Variants in ATP8B1 observed in about 807,000 individuals in gnomAD.
The protein encoded by ATP8B1 is ATPase phospholipid transporting 8B1, also known as phospholipid-transporting ATPase IC.
ATP8B1 carries 80 observed loss-of-function variants against 149.9 expected under a neutral mutation model. That is an observed-to-expected ratio of 0.53 (90% CI 0.45 to 0.64). The LOEUF (loss-of-function observed/expected upper bound fraction) is 0.64, where lower values mean the gene tolerates loss of function less well. Ranked by LOEUF, ATP8B1 falls within the 30% of genes least tolerant of loss-of-function variation. The pLI is 0.00. For synonymous variants in ATP8B1, 536 were observed against 562.8 expected, an observed-to-expected ratio of 0.95 and a Z score of 0.67; for missense variants, 1,247 against 1,552.6, an observed-to-expected ratio of 0.80 and a Z score of 3.31.
chr18:57,694,500 T>C (rs1912702094), intron 11 of ATP8B1, 82 bp downstream of exon 11: 2 of 987,688 alleles, frequency 2.0e-6, no homozygotes, highest in Non-Finnish European at 3.1e-6. Context: ...AGGTAAGATT[T>C]TGTATTAGAA....
intron 1 of ATP8B1, among the ~76,000 whole-genome samples, chr18:57,753,201 C>T (rs1372665479): frequency 1.3e-5 from 2 of 152,136 alleles, no homozygotes; most frequent in African/African-American, 2.4e-5. Flanking sequence ...TTTTGCTTTC[C>T]TCAAAGTATA....
In ATP8B1 at chr18:57,652,040, A is replaced by C. The variant is rs1599066459; in HGVS notation, c.3394T>G (p.Phe1132Val). The C allele has an allele frequency of 6.2e-7, 1 of 1,613,516 alleles. No homozygotes were observed. The change falls in exon 26 of 28, where the codon TTT (phenylalanine) becomes GTT (valine). Residue 1132 changes from phenylalanine (F) to valine (V), a missense_variant. Phe to Val is a conservative substitution (Grantham distance 50). Around this residue, in one of 3 missense-constraint regions of ATP8B1, gnomAD observed 230 missense variants for 356.6 expected, o/e 0.65. Coordinates refer to ENST00000648908, the MANE Select transcript of ATP8B1 (RefSeq NM_001374385.1). ...GGAATTTGGAAATACCAACCTGTAA[A>C]TTGAAATGCAGATGGAAAGAGAACA... The part of the protein sequence containing the change: ...IHVLFPSAFQ[F>V]TGTASNALRQ...
chr18:57,675,895 C>T lies in ATP8B1; in HGVS notation c.1631-873G>A, dbSNP rs139750120. Among the ~76,000 whole-genome samples the T allele has an allele frequency of 6.7e-3, 1,017 of 152,090 alleles. 8 individuals are homozygous for T. Among genetic ancestry groups the T allele is most frequent in the African/African-American group, 0.022 (898 of 41,490 alleles). ...TAATTTTTTGTATTTTTTGTAGAGA[C>T]GGGGTTTCACCATGTTGCTCAGGCT... On this transcript the variant is annotated intron_variant, in intron 15 of 27. Coordinates refer to ENST00000648908, the MANE Select transcript of ATP8B1 (RefSeq NM_001374385.1).
intron 1 of ATP8B1, among the ~76,000 whole-genome samples, chr18:57,789,647 C>T (rs1380726964): frequency 1.3e-5 from 2 of 152,170 alleles, no homozygotes; most frequent in African/African-American, 4.8e-5. Context: ...CCCTTTCCCA[C>T]ATCTGAGAAC....
chr18:57,693,999 T>A (rs1045656606), intron 11 of ATP8B1, among the ~76,000 whole-genome samples: 14 of 152,188 alleles, frequency 9.2e-5, no homozygotes, highest in African/African-American at 3.4e-4. Context: ...TGCACTTTGC[T>A]CCATGAGTCT....
Position 57,668,321 on chromosome 18 carries a change from C to CA in ATP8B1, c.2209+107dup, listed in dbSNP as rs1911009552. On this transcript the variant is annotated intron_variant, in intron 19 of 27. Coordinates refer to ENST00000648908, the MANE Select transcript of ATP8B1 (RefSeq NM_001374385.1). The stretch of plus-strand genomic sequence containing the variant: ...AAAAAGCATCTTCCGTCCAAAGAAA[C>CA]AGTGTTTGTACAGGATGAAAAGTCT... 5 of 1,329,460 alleles carry CA rather than the reference C, an allele frequency of 3.8e-6. No homozygotes were observed. The Admixed American group carries it at 9.0e-5, about 24-fold the overall frequency. The allele number at this position is 1,329,460 out of a possible 1,614,324, so 82.4% of individuals were successfully genotyped here.
intron 2 of ATP8B1, among the ~76,000 whole-genome samples, chr18:57,728,467 G>A (rs1005780631): frequency 9.2e-5 from 14 of 152,256 alleles, no homozygotes; most frequent in African/African-American, 3.1e-4. Context: ...GCAAAGAGAG[G>A]AAGGGAGGAA....
intron 16 of ATP8B1, among the ~76,000 whole-genome samples, chr18:57,674,386 CTT>C (rs36078409): frequency 1.6e-5 from 2 of 128,366 alleles, no homozygotes; most frequent in Non-Finnish European, 1.6e-5. Context: ...ATACCAGTTT[CTT>C]TTTTTTTTTT....
At chr18:57,698,898 T>C (rs1006549137) in intron 6 of ATP8B1, among the ~76,000 whole-genome samples, 5 of 152,226 alleles carry the variant, frequency 3.3e-5, no homozygotes, top group African/African-American at 1.2e-4. Flanking sequence ...TTTTTATCTT[T>C]TTTATTCTGA....
At chr18:57,651,019 A>C (rs899891776) in intron 26 of ATP8B1, among the ~76,000 whole-genome samples, 4 of 152,220 alleles carry the variant, frequency 2.6e-5, no homozygotes, top group Non-Finnish European at 5.9e-5. Context: ...TATTTGAAAC[A>C]AGGCAAATTT....
At chr18:57,709,066 A>G (rs146163429) in intron 2 of ATP8B1, among the ~76,000 whole-genome samples, 53 of 152,300 alleles carry the variant, frequency 3.5e-4, no homozygotes, top group African/African-American at 1.3e-3. Flanking sequence ...GTTTTTACTC[A>G]ATTTTAGAAA....
chr18:57,676,085 G>A (rs1350342388), intron 15 of ATP8B1, among the ~76,000 whole-genome samples: 1 of 152,142 alleles, frequency 6.6e-6, no homozygotes, highest in African/African-American at 2.4e-5. Flanking sequence ...AAACTCATTG[G>A]TATACAATAC....
intron 8 of ATP8B1, 94 bp from the exon 9 acceptor site, chr18:57,695,626 A>G: frequency 3.3e-6 from 3 of 922,018 alleles, no homozygotes; most frequent in South Asian, 1.4e-5. Flanking sequence ...ATACCTGGAC[A>G]TGAAGCCTAA....
At chr18:57,795,445 T>G (rs562689994) in intron 1 of ATP8B1, among the ~76,000 whole-genome samples, 1 of 151,936 alleles carries the variant, frequency 6.6e-6, no homozygotes, top group South Asian at 2.1e-4. Context: ...TAGCCAGAGG[T>G]GAAAACTACC....
intron 16 of ATP8B1, among the ~76,000 whole-genome samples, chr18:57,674,255 A>AAAAG (rs1364324458): frequency 2.2e-5 from 3 of 135,772 alleles, no homozygotes; most frequent in Admixed American, 7.2e-5. Context: ...AAAAAAAAAA[A>AAAAG]AAAGAAAAGA....
Position 57,701,078 on chromosome 18 carries a change from T to G in ATP8B1, c.515A>C (p.Glu172Ala), listed in dbSNP as rs986247709. 2 of 1,614,196 alleles carry G rather than the reference T, an allele frequency of 1.2e-6. No homozygotes were observed. Among genetic ancestry groups the G allele is most frequent in the Non-Finnish European group, 8.5e-7 (1 of 1,180,040 alleles). ...GACTTCACACGTCCTATTGTTGATTTCCTTATCCATTTTATGGCGAGCCTT... is the reference window on the plus strand; with the variant it reads ...GACTTCACACGTCCTATTGTTGATTGCCTTATCCATTTTATGGCGAGCCTT... ...DDVARHKMDKEINNRTCEVIK... is the reference protein window; with the variant it reads ...DDVARHKMDKAINNRTCEVIK... Residue 172 changes from glutamate to alanine, a missense_variant, in exon 6 of 28, where the codon GAA becomes GCA. Transcript: ENST00000648908.
chr18:57,739,652 A>G (rs2079890885), intron 1 of ATP8B1, among the ~76,000 whole-genome samples: 1 of 152,162 alleles, frequency 6.6e-6, no homozygotes, highest in Non-Finnish European at 1.5e-5. Context: ...CACACCTACC[A>G]CATGGTAACA....
chr18:57,732,209 A>G lies in ATP8B1; in HGVS notation c.-25-377T>C, dbSNP rs1235053218. Among the ~76,000 whole-genome samples, 7 of 59,804 alleles carry G rather than the reference A, an allele frequency of 1.2e-4. 1 individual carries two copies. The highest frequency in any genetic ancestry group is 2.3e-4 in the African/African-American group (4 of 17,564). The allele number at this position is 59,804 out of a possible 152,430, so 39.2% of individuals were successfully genotyped here. A position where few individuals can be genotyped will look rare whatever the true frequency, so the allele number is the denominator to read the frequency against. On this transcript the variant is annotated intron_variant, in intron 1 of 27. Coordinates refer to ENST00000648908, the MANE Select transcript of ATP8B1 (RefSeq NM_001374385.1). ...TATATGTATATATGTGTATATATGT[A>G]TATATGTGTATATATGTATATATGT... is the stretch of plus-strand genomic sequence containing the variant.
chr18:57,659,165 A>G (rs1321286309), intron 22 of ATP8B1, among the ~76,000 whole-genome samples: 1 of 152,110 alleles, frequency 6.6e-6, no homozygotes, highest in Non-Finnish European at 1.5e-5. Flanking sequence ...AGTCCCAGCT[A>G]CTTGGGAGGC....
Sources: allele counts gnomAD v4.1 joint callset (sites outside exome capture counted in the v4.1 genomes callset), GRCh38; gene constraint gnomAD v4.1.1; regional missense constraint gnomAD v4.1.1; transcripts MANE v1.5; gene names NCBI Gene and HGNC (gene_info 2026-07-23, HGNC 2026-07-21).